ADAMTS2: variants seen among roughly 807,000 people sequenced by gnomAD.
The protein encoded by ADAMTS2 is A disintegrin and metalloproteinase with thrombospondin motifs 2.
Under a neutral mutation model 123.0 loss-of-function variants are expected in ADAMTS2, and 50 were observed. That is an observed-to-expected ratio of 0.41 (90% CI 0.32 to 0.51). The LOEUF (loss-of-function observed/expected upper bound fraction) is 0.51. Ranked by LOEUF, ADAMTS2 falls within the 20% of genes least tolerant of loss-of-function variation. The pLI is 0.35. For missense variants in ADAMTS2, 1,494 were observed against 1,705.2 expected (o/e 0.88, Z 2.18); for synonymous variants, 678 against 695.4 (o/e 0.98, Z 0.39).
chr5:179,252,486 T>C (rs1402830775), intron 3 of ADAMTS2, among the ~76,000 whole-genome samples: 1 of 152,222 alleles, frequency 6.6e-6, no homozygotes, highest in East Asian at 1.9e-4. Context: ...TTATTATCAT[T>C]GAGTTGTATT....
chr5:179,298,356 C>T (rs529873525), intron 2 of ADAMTS2, among the ~76,000 whole-genome samples: 3 of 152,102 alleles, frequency 2.0e-5, no homozygotes, highest in South Asian at 4.2e-4. Context: ...GGTGGGGACC[C>T]CGTTAATGGG....
At chr5:179,320,759 C>A (rs1757146382) in intron 2 of ADAMTS2, among the ~76,000 whole-genome samples, 1 of 152,196 alleles carries the variant, frequency 6.6e-6, no homozygotes, top group African/African-American at 2.4e-5. Flanking sequence ...GAACATAGCT[C>A]AGGGATGAGG....
chr5:179,134,543 C>T (rs1004390737), intron 13 of ADAMTS2, among the ~76,000 whole-genome samples: 2 of 152,198 alleles, frequency 1.3e-5, no homozygotes, highest in African/African-American at 4.8e-5. Flanking sequence ...GTGACATTGG[C>T]CTCCCCACGT....
At chr5:179,334,974 A>G (rs1757575729) in intron 2 of ADAMTS2, among the ~76,000 whole-genome samples, 1 of 152,248 alleles carries the variant, frequency 6.6e-6, no homozygotes, top group Admixed American at 6.5e-5. Flanking sequence ...AATACTGTAA[A>G]TTATGTCAAT....
rs571892515 is a variant in ADAMTS2 at position 179,148,517 on chromosome 5, C to A, written c.1629+3625G>T. ...CCGAGCCCTCTGCTGAGGTCGCATCCCTGTGCAGTGCCTCACTCTCCCCAC... is the reference window on the plus strand; with the variant it reads ...CCGAGCCCTCTGCTGAGGTCGCATCACTGTGCAGTGCCTCACTCTCCCCAC... On this transcript the variant is annotated intron_variant, in intron 10 of 21. Transcript: ENST00000251582. Among the ~76,000 whole-genome samples, 4 of 152,290 alleles carry A rather than the reference C, an allele frequency of 2.6e-5. No individual in the cohort carries two copies. In the East Asian group the frequency reaches 7.7e-4, roughly 29 times the overall value.
chr5:179,130,390 C>G lies in ADAMTS2; in HGVS notation c.2291-292G>C, dbSNP rs1406627913. On this transcript the variant is annotated intron_variant, in intron 15 of 21. Transcript: ENST00000251582. This position sits in a 1 kb window ranked among gnomAD's most constrained non-coding sequence, Gnocchi z 4.3. The stretch of plus-strand genomic sequence containing the variant: ...CTCAGTAGCCGTCAAGGCCACCTAC[C>G]CATACCCTATTGGGAGCACTCAGTG... 6.6e-6 allele frequency among the ~76,000 whole-genome samples: 1 copy of G among 152,208 alleles called. No homozygotes were observed. The highest frequency in any genetic ancestry group is 1.9e-4 in the East Asian group (1 of 5,198).
At chr5:179,187,676 C>T (rs912621721) in intron 4 of ADAMTS2, among the ~76,000 whole-genome samples, 4 of 152,136 alleles carry the variant, frequency 2.6e-5, no homozygotes, top group African/African-American at 4.8e-5. Context: ...AGCAGCTCTC[C>T]TTTCCCAGGT....
intron 2 of ADAMTS2, among the ~76,000 whole-genome samples, chr5:179,333,329 C>T (rs1757527742): frequency 6.6e-6 from 1 of 152,188 alleles, no homozygotes; most frequent in Non-Finnish European, 1.5e-5. Flanking sequence ...GAGCCAGGCC[C>T]CAAGTCTGGT....
chr5:179,165,791 C>T (rs1763685691), intron 5 of ADAMTS2, among the ~76,000 whole-genome samples: 1 of 152,168 alleles, frequency 6.6e-6, no homozygotes, highest in Non-Finnish European at 1.5e-5. Flanking sequence ...CCAGAACTCC[C>T]AGGTCCAGCC....
At chr5:179,268,262 T>G (rs1387229711) in intron 3 of ADAMTS2, among the ~76,000 whole-genome samples, 1 of 152,250 alleles carries the variant, frequency 6.6e-6, no homozygotes, top group Non-Finnish European at 1.5e-5. Context: ...TGTGGCTGCA[T>G]TCCCACTGCT....
chr5:179,174,398 C>T (rs1033719056), intron 5 of ADAMTS2, among the ~76,000 whole-genome samples: 3 of 152,090 alleles, frequency 2.0e-5, no homozygotes, highest in Admixed American at 6.6e-5. Context: ...TGGTATTATA[C>T]TTATCCAAAT....
chr5:179,228,776 T>A lies in ADAMTS2; in HGVS notation c.689-21061A>T, dbSNP rs145546120. 5.4e-4 allele frequency among the ~76,000 whole-genome samples: 82 copies of A among 152,286 alleles called. No homozygotes were observed. The highest frequency in any genetic ancestry group is 1.9e-3 in the African/African-American group (79 of 41,552). Reference sequence around the variant, plus strand: ...CTGTGGGGCTCCAGACCCGGGGCGGTGCCTTCACCACGGCCTCCTCATCCA... The same window carrying A: ...CTGTGGGGCTCCAGACCCGGGGCGGAGCCTTCACCACGGCCTCCTCATCCA... On this transcript the variant is annotated intron_variant, in intron 3 of 21. Coordinates refer to ENST00000251582, the MANE Select transcript of ADAMTS2 (RefSeq NM_014244.5). The surrounding 1 kb of genome is among the most constrained non-coding windows in gnomAD (Gnocchi z 5.2).
At chr5:179,131,670 G>A (rs1025188703) in intron 15 of ADAMTS2, among the ~76,000 whole-genome samples, 4 of 152,146 alleles carry the variant, frequency 2.6e-5, no homozygotes, top group East Asian at 1.9e-4. Context: ...CTGGGAGGGC[G>A]TGGTCTCCCA....
chr5:179,148,423 G>C (rs1006662565), intron 10 of ADAMTS2, among the ~76,000 whole-genome samples: 6 of 152,178 alleles, frequency 3.9e-5, no homozygotes, highest in African/African-American at 1.4e-4. Context: ...TGACTGGTCA[G>C]GGTTGCGGTT....
intron 3 of ADAMTS2, among the ~76,000 whole-genome samples, chr5:179,212,034 C>T (rs567790162): frequency 6.6e-6 from 1 of 152,372 alleles, no homozygotes; most frequent in South Asian, 2.1e-4. Flanking sequence ...CAACGTTGTC[C>T]ACATGCCCGG....
chr5:179,198,108 G>A (rs1281934726), intron 4 of ADAMTS2, among the ~76,000 whole-genome samples: 1 of 152,174 alleles, frequency 6.6e-6, no homozygotes, highest in Non-Finnish European at 1.5e-5. Context: ...AGCAGGAAAG[G>A]TCAAACATGA....
chr5:179,204,810 G>A (rs551461958), intron 4 of ADAMTS2, among the ~76,000 whole-genome samples: 12 of 152,250 alleles, frequency 7.9e-5, no homozygotes, highest in African/African-American at 2.6e-4. Context: ...CTCCGCCGCC[G>A]GTCTCCCACG....
At chr5:179,182,462 A>T (rs1764070862) in intron 4 of ADAMTS2, among the ~76,000 whole-genome samples, 1 of 152,156 alleles carries the variant, frequency 6.6e-6, no homozygotes. Flanking sequence ...TGCTACCTCA[A>T]AACAGTGGGA....
chr5:179,247,397 C>T (rs1351441646), intron 3 of ADAMTS2, among the ~76,000 whole-genome samples: 1 of 145,238 alleles, frequency 6.9e-6, no homozygotes, highest in Non-Finnish European at 1.6e-5. Flanking sequence ...ATCAAGTACA[C>T]CAAAATACAA....
Sources: allele counts gnomAD v4.1 joint callset (sites outside exome capture counted in the v4.1 genomes callset), GRCh38; gene constraint gnomAD v4.1.1; non-coding constraint Gnocchi (gnomAD v3.1); transcripts MANE v1.5; gene names NCBI Gene and HGNC (gene_info 2026-07-23, HGNC 2026-07-21).